The following MED27 variants were observed in gnomAD, a reference collection of about 807,000 sequenced individuals.
The protein encoded by MED27 is mediator of RNA polymerase II transcription subunit 27.
A neutral mutation model predicts 38.2 loss-of-function variants in MED27; 30 were observed. That is an observed-to-expected ratio of 0.79 (90% CI 0.59 to 1.07). The LOEUF is 1.07. MED27 is among the 50% of genes least tolerant of loss of function. The pLI, the probability that MED27 is intolerant of heterozygous loss-of-function variation, is 0.00. For missense variants in MED27, 289 were observed against 397.5 expected (o/e 0.73, Z 2.32); for synonymous variants, 122 against 153.5 (o/e 0.79, Z 1.52).
At chr9:131,939,523 G>T in intron 3 of MED27, 49 bp from the exon 4 acceptor site, 1 of 1,205,804 alleles carries the variant, frequency 8.3e-7, no homozygotes, top group Non-Finnish European at 1.2e-6. Context: ...CCAGTTAAGA[G>T]CTACAGATTA....
intron 3 of MED27, among the ~76,000 whole-genome samples, chr9:131,978,436 A>G (rs1831657739): frequency 6.6e-6 from 1 of 152,214 alleles, no homozygotes; most frequent in African/African-American, 2.4e-5. Context: ...ACATTACAGA[A>G]CTATTATTAG....
chr9:132,020,521 A>G (rs192938001), intron 2 of MED27, among the ~76,000 whole-genome samples: 40 of 152,340 alleles, frequency 2.6e-4, no homozygotes, highest in African/African-American at 8.4e-4. Flanking sequence ...CAGACCATTA[A>G]GCTTTCAACT....
intron 4 of MED27, among the ~76,000 whole-genome samples, chr9:131,907,352 C>A (rs563372984): frequency 2.0e-5 from 3 of 152,124 alleles, no homozygotes; most frequent in African/African-American, 7.2e-5. Flanking sequence ...CGAGTGCCTG[C>A]GACTGCAGGC....
chr9:132,064,190 G>C (rs1041645821), intron 2 of MED27, among the ~76,000 whole-genome samples: 8 of 152,142 alleles, frequency 5.3e-5, no homozygotes, highest in African/African-American at 1.9e-4. Context: ...TGCTATGATT[G>C]GATGACTGGA....
At chr9:131,880,722 A>C (rs1416867582) in intron 6 of MED27, among the ~76,000 whole-genome samples, 1 of 152,176 alleles carries the variant, frequency 6.6e-6, no homozygotes, top group Admixed American at 6.5e-5. Flanking sequence ...CTTCTGCTTC[A>C]GAGTGTGTTT....
chr9:131,870,216 C>A (rs956370795), intron 6 of MED27, among the ~76,000 whole-genome samples: 1 of 152,198 alleles, frequency 6.6e-6, no homozygotes, highest in Non-Finnish European at 1.5e-5. Flanking sequence ...ATTTACTGAG[C>A]ACTAATCCTG....
intron 3 of MED27, among the ~76,000 whole-genome samples, chr9:131,974,229 G>A (rs1365828995): frequency 6.6e-6 from 1 of 152,212 alleles, no homozygotes; most frequent in East Asian, 1.9e-4. Context: ...ATAATAAACT[G>A]TCTTGTTATA....
intron 3 of MED27, 115 bp downstream of exon 3, chr9:132,014,222 A>C (rs1832553157): frequency 8.3e-7 from 1 of 1,207,424 alleles, no homozygotes; most frequent in Non-Finnish European, 1.2e-6. Context: ...GTCTCAAAAA[A>C]AGGAAGGGAG....
chr9:131,921,083 T>A (rs534681948), intron 4 of MED27, among the ~76,000 whole-genome samples: 1 of 152,178 alleles, frequency 6.6e-6, no homozygotes, highest in African/African-American at 2.4e-5. Flanking sequence ...TATCATTTCA[T>A]CCAATGTGGA....
At chr9:131,968,021 C>T (rs917632416) in intron 3 of MED27, among the ~76,000 whole-genome samples, 3 of 151,420 alleles carry the variant, frequency 2.0e-5, no homozygotes, top group Non-Finnish European at 2.9e-5. Flanking sequence ...GGGGTTTCAC[C>T]GTGTTAGCCA....
intron 3 of MED27, among the ~76,000 whole-genome samples, chr9:131,956,825 TA>T (rs558809280): frequency 0.15 from 20,955 of 141,740 alleles, 1,757 homozygotes; most frequent in Non-Finnish European, 0.2. Context: ...AATTGATGAT[TA>T]AAAAAAAAAA....
At position 131,872,839 on chromosome 9, in the gene MED27, G is replaced by A. The variant is rs972081603; in HGVS notation, c.724-9699C>T. On this transcript the variant is annotated intron_variant, in intron 6 of 7. Transcript: ENST00000292035. The surrounding 1 kb of genome is among the most constrained non-coding windows in gnomAD (Gnocchi z 5.6). ...CTGATGCGATGGCACCCTCAGGTGG[G>A]CCTCAGATTCCAGGCCAGTTCAAAG... Among the ~76,000 whole-genome samples, 5 of 152,244 alleles carry A rather than the reference G, an allele frequency of 3.3e-5. No individual in the cohort carries two copies. The highest frequency in any genetic ancestry group is 1.2e-4 in the African/African-American group (5 of 41,464).
rs1833474640 is a variant in MED27, at chr9:132,051,986, G to A, written c.348+25456C>T. Among the ~76,000 whole-genome samples, 1 of 152,192 alleles carries A rather than the reference G, an allele frequency of 6.6e-6. No individual in the cohort carries two copies. The highest frequency in any genetic ancestry group is 6.5e-5 in the Admixed American group (1 of 15,286). ...CAAAACAACTGTGTTCCAGGAAAAA[G>A]GGCAACAGGAGAAAATAACATGGCT... On this transcript the variant is annotated intron_variant, in intron 2 of 7. Transcript: ENST00000292035. This position sits in a 1 kb window ranked among gnomAD's most constrained non-coding sequence, Gnocchi z 4.2.
chr9:131,924,330 AAGGTTG>A (rs1392436976), intron 4 of MED27, among the ~76,000 whole-genome samples: 1 of 152,182 alleles, frequency 6.6e-6, no homozygotes, highest in Non-Finnish European at 1.5e-5. Context: ...AATTATGGGT[AAGGTTG>A]AACATCTTTT....
rs1289236842 is a variant in MED27, at chr9:131,982,522, C to T, written c.479+31815G>A. ...TTGTCATGGTTTGCTATGAGGCAGA[C>T]GATAAATGATTCAACATGTATGGCC... On this transcript the variant is annotated intron_variant, in intron 3 of 7. Coordinates refer to ENST00000292035, the MANE Select transcript of MED27 (RefSeq NM_004269.4). The surrounding 1 kb of genome is among the most constrained non-coding windows in gnomAD (Gnocchi z 4.3). Among the ~76,000 whole-genome samples the T allele has an allele frequency of 2.0e-5, 3 of 152,176 alleles. No homozygotes were observed. The highest frequency in any genetic ancestry group is 6.5e-5 in the Admixed American group (1 of 15,282).
rs1274432060 is a variant in MED27, at chr9:131,871,469, C to G, written c.724-8329G>C. 2.6e-5 allele frequency among the ~76,000 whole-genome samples: 4 copies of G among 152,200 alleles called. No individual in the cohort carries two copies. In the South Asian group the frequency reaches 8.3e-4, roughly 32 times the overall value. On this transcript the variant is annotated intron_variant, in intron 6 of 7. Transcript: ENST00000292035. The stretch of plus-strand genomic sequence containing the variant: ...CTTTAAAAAGCAAGGGCCTGTTGGG[C>G]TCCTTGAAGGGGAAAAGTTAAGAAG...
At chr9:131,891,565 C>T (rs1025768347) in intron 5 of MED27, among the ~76,000 whole-genome samples, 3 of 152,192 alleles carry the variant, frequency 2.0e-5, no homozygotes, top group African/African-American at 7.2e-5. Flanking sequence ...TAAAGAAACC[C>T]ACTGAACTTT....
chr9:132,069,755 G>A (rs1299169138), intron 2 of MED27, among the ~76,000 whole-genome samples: 2 of 152,190 alleles, frequency 1.3e-5, no homozygotes, highest in Non-Finnish European at 2.9e-5. Context: ...AGGGACTGAA[G>A]AGATCACCCA....
chr9:131,963,540 C>T (rs1831262270), intron 3 of MED27, among the ~76,000 whole-genome samples: 1 of 152,270 alleles, frequency 6.6e-6, no homozygotes, highest in African/African-American at 2.4e-5. Context: ...AGCCTCCCCT[C>T]ATTTGTCCAC....
Sources: allele counts gnomAD v4.1 joint callset (sites outside exome capture counted in the v4.1 genomes callset), GRCh38; gene constraint gnomAD v4.1.1; non-coding constraint Gnocchi (gnomAD v3.1); transcripts MANE v1.5; gene names NCBI Gene and HGNC (gene_info 2026-07-23, HGNC 2026-07-21).